The following SYT3 variants were observed in gnomAD, a reference collection of about 807,000 sequenced individuals.
SYT3 encodes the protein synaptotagmin 3.
SYT3 carries 25 observed loss-of-function variants against 50.6 expected under a neutral mutation model. The observed-to-expected ratio is 0.49, with a 90% CI of 0.36 to 0.69. SYT3 has a LOEUF of 0.69. SYT3 is among the 30% of genes least tolerant of loss of function. The probability of loss-of-function intolerance (pLI) is 0.00; values close to 1 mark genes in which losing one functional copy is unlikely to be tolerated. For synonymous variants in SYT3, 323 were observed against 353.9 expected (o/e 0.91, Z 0.98); for missense variants, 589 against 793.6 (o/e 0.74, Z 3.10).
At chr19:50,656,244 G>T in the SYT3 span, 2 of 1,536,102 alleles carry the variant, frequency 1.3e-6, no homozygotes, top group Non-Finnish European at 1.7e-6. Context: ...ACCTGCGGCA[G>T]GTCATTGCAG....
intron 3 of SYT3, among the ~76,000 whole-genome samples, chr19:50,634,975 A>G (rs1005072674): frequency 6.6e-6 from 1 of 151,592 alleles, no homozygotes; most frequent in Non-Finnish European, 1.5e-5. Context: ...CAGTGGTGTG[A>G]TCTTGGCTCA....
the SYT3 span, chr19:50,656,053 C>A: frequency 6.5e-7 from 1 of 1,536,082 alleles, no homozygotes; most frequent in East Asian, 2.4e-5. Flanking sequence ...TCCTCAGGAG[C>A]CCTCCTTATG....
the SYT3 span, among the ~76,000 whole-genome samples, chr19:50,656,928 G>A: frequency 6.7e-6 from 1 of 150,228 alleles, no homozygotes; most frequent in Middle Eastern, 3.2e-3. Context: ...CTCCAGCCTG[G>A]GTGACAAAGT....
intron 9 of SYT3, among the ~76,000 whole-genome samples, chr19:50,624,669 C>T (rs1211537917): frequency 6.6e-6 from 1 of 151,980 alleles, no homozygotes; most frequent in East Asian, 1.9e-4. Flanking sequence ...TCTCCTGCCT[C>T]AGCCTCCCAA....
At chr19:50,642,210 G>A (rs536889308), upstream of SYT3, among the ~76,000 whole-genome samples, 2 of 152,314 alleles carry the variant, frequency 1.3e-5, no homozygotes, top group Non-Finnish European at 2.9e-5. Context: ...CTAACAGCCC[G>A]ACCCTTGAAC....
At chr19:50,655,206 G>A in the SYT3 span, among the ~76,000 whole-genome samples, 28,700 of 152,130 alleles carry the variant, frequency 0.19, 3,200 homozygotes, top group African/African-American at 0.31. Context: ...GATTGTAGGG[G>A]AAGGGGAAAA....
At chr19:50,622,903 C>A in intron 9 of SYT3, 148 bp from the exon 10 acceptor site, 4 of 497,770 alleles carry the variant, frequency 8.0e-6, no homozygotes, top group Non-Finnish European at 1.5e-5. Flanking sequence ...GATGGTATTA[C>A]AATTCCATTC....
the SYT3 span, among the ~76,000 whole-genome samples, chr19:50,657,287 C>T: frequency 1.1e-3 from 166 of 152,330 alleles, no homozygotes; most frequent in African/African-American, 3.8e-3. Context: ...CACTCCACTT[C>T]TTTGTGGCTT....
chr19:50,653,586 G>C, the SYT3 span, among the ~76,000 whole-genome samples: 185 of 152,056 alleles, frequency 1.2e-3, no homozygotes, highest in African/African-American at 4.3e-3. Context: ...GTGTGTGTGA[G>C]AGTGTGCAGG....
chr19:50,629,946 A>G lies in SYT3; in HGVS notation c.900T>C (p.Cys300=). 1 of 1,613,916 alleles carries G rather than the reference A, an allele frequency of 6.2e-7. No individual in the cohort carries two copies. Among genetic ancestry groups the G allele is most frequent in the African/African-American group, 1.3e-5 (1 of 75,030 alleles). The change falls in exon 5 of 11, where the codon TGT becomes TGC. Residue 300 remains cysteine (C), a synonymous_variant. Coordinates refer to ENST00000600079, the MANE Select transcript of SYT3 (RefSeq NM_001160329.2). ...GSGEAGTGAP[C]GRISFALRYL... is the part of the protein sequence containing the mutation. ...ACCGCAGGGCGAAGCTGATACGGCC[A>G]CAGGGTGCCCCTGTGCCTGCCTCTC...
rs16986156 is a variant in SYT3 at position 50,629,151 on chromosome 19, A to G, written c.1281+143T>C. ...TCTCTATTCTTGCCTGTAAGTTTGC[A>G]GTCTTCCCCAGTGTGATACATTTTA... On this transcript the variant is annotated intron_variant, in intron 6 of 10. Transcript: ENST00000600079. 13,399 of 686,860 alleles carry G rather than the reference A, an allele frequency of 0.02. 1,292 individuals carry two copies. The African/African-American group carries it at 0.21, about 11-fold the overall frequency. 42.5% of individuals were successfully genotyped at this position (686,860 alleles called of 1,614,324 possible).
chr19:50,623,613 C>CAAAAAAAAAAAAAAAAAAAAAAAAAAAA (rs529397903), intron 9 of SYT3, among the ~76,000 whole-genome samples: 1 of 91,638 alleles, frequency 1.1e-5, no homozygotes, highest in African/African-American at 4.4e-5. Context: ...CCTGTCTCTA[C>CAAAAAAAAAAAAAAAAAAAAAAAAAAAA]AAAAAAAAAA....
chr19:50,626,770 A>G (rs868601116), intron 6 of SYT3, among the ~76,000 whole-genome samples: 2 of 150,732 alleles, frequency 1.3e-5, no homozygotes, highest in Non-Finnish European at 1.5e-5. Context: ...AGAGAGATAT[A>G]TATAGAGAGA....
intron 9 of SYT3, among the ~76,000 whole-genome samples, chr19:50,624,362 C>T (rs1427866381): frequency 6.6e-6 from 1 of 152,120 alleles, no homozygotes; most frequent in Non-Finnish European, 1.5e-5. Context: ...TTGAAATTCA[C>T]AACATTATTT....
chr19:50,625,427 C>G lies in SYT3; in HGVS notation c.1540G>C (p.Val514Leu). Residue 514 changes from valine (V) to leucine (L), a missense_variant, in exon 8 of 11, where the codon GTG becomes CTG. Coordinates refer to ENST00000600079, the MANE Select transcript of SYT3 (RefSeq NM_001160329.2). The surrounding 1 kb of genome is among the most constrained non-coding windows in gnomAD (Gnocchi z 7.5). ...TCTACCACGGCGATGCTGAGCCCCA[C>G]GTTCTCCACGCTCTCGGGGGCCACG... ...FDVAPESVEN[V>L]GLSIAVVDYD... The G allele has an allele frequency of 6.4e-7, 1 of 1,563,274 alleles. No individual in the cohort carries two copies. Among genetic ancestry groups the G allele is most frequent in the African/African-American group, 1.4e-5 (1 of 73,698 alleles).
chr19:50,649,844 C>T, the SYT3 span: 1 of 490,032 alleles, frequency 2.0e-6, no homozygotes, highest in Non-Finnish European at 4.0e-6. Context: ...CATCTTCCCC[C>T]AAAGCTGCTC....
chr19:50,650,475 GC>G, the SYT3 span, among the ~76,000 whole-genome samples: 1 of 152,148 alleles, frequency 6.6e-6, no homozygotes, highest in Non-Finnish European at 1.5e-5. Flanking sequence ...TTCAAGGCCA[GC>G]CAGCCTGGCC....
At chr19:50,649,886 C>T in the SYT3 span, 1 of 462,102 alleles carries the variant, frequency 2.2e-6, no homozygotes, top group Non-Finnish European at 4.3e-6. Context: ...TTCAAATGGC[C>T]CCACCGCCAA....
the SYT3 span, among the ~76,000 whole-genome samples, chr19:50,652,597 T>C: frequency 6.6e-6 from 1 of 152,180 alleles, no homozygotes; most frequent in Non-Finnish European, 1.5e-5. Context: ...ACAGCGTTTT[T>C]GGACTGCAGC....
Sources: gnomAD v4.1 joint callset for allele counts (sites outside exome capture counted in the v4.1 genomes callset) on GRCh38, gnomAD v4.1.1 for gene constraint, Gnocchi (gnomAD v3.1) non-coding constraint, MANE v1.5 for transcripts, NCBI Gene and HGNC (gene_info 2026-07-23, HGNC 2026-07-21) for gene names.